C3orf52: variants seen among roughly 807,000 people sequenced by gnomAD.
C3orf52 encodes the protein TPA-induced transmembrane protein.
Under a neutral mutation model 24.8 loss-of-function variants are expected in C3orf52, and 22 were observed. That is an observed-to-expected ratio of 0.89 (90% CI 0.63 to 1.27). The LOEUF is 1.27. Among genes scored for constraint, C3orf52 ranks in the 50% most tolerant of loss-of-function variants. The probability of loss-of-function intolerance (pLI) is 0.00; values close to 1 mark genes in which losing one functional copy is unlikely to be tolerated. For synonymous variants in C3orf52, 93 were observed against 100.2 expected, an observed-to-expected ratio of 0.93 and a Z score of 0.43; for missense variants, 265 against 260.7, an observed-to-expected ratio of 1.02 and a Z score of -0.11.
chr3:112,100,552 C>A (rs2107780334), intron 2 of C3orf52, among the ~76,000 whole-genome samples: 1 of 152,212 alleles, frequency 6.6e-6, no homozygotes, highest in East Asian at 1.9e-4. Flanking sequence ...TTATGGGAGG[C>A]CTGTTTTCAC....
At chr3:112,135,689 C>A (rs1429251842), downstream of C3orf52, among the ~76,000 whole-genome samples, 1 of 152,146 alleles carries the variant, frequency 6.6e-6, no homozygotes, top group East Asian at 1.9e-4. Flanking sequence ...CAGAAAGCAG[C>A]CCTGGACAGA....
At position 112,086,434 on chromosome 3, in the gene C3orf52, AG is replaced by A; in HGVS notation, c.28del (p.Val10Ter). The A allele has an allele frequency of 1.3e-6, 2 of 1,550,862 alleles. No homozygotes were observed. Among genetic ancestry groups the A allele is most frequent in the Non-Finnish European group, 1.7e-6 (2 of 1,146,566 alleles). On this transcript the variant is annotated frameshift_variant, in exon 1 of 6. Coordinates refer to ENST00000264848, the MANE Select transcript of C3orf52 (RefSeq NM_024616.3). LOFTEE classifies it high-confidence loss of function. MDLAQPSQP[V>X]DELELSVLER... is the part of the protein sequence containing the mutation. ...TGGACCTGGCCCAACCCTCACAGCC[AG>A]TAGACGAGCTGGAGCTCTCGGTGCT...
chr3:112,130,417 G>C, downstream of C3orf52: 1 of 1,592,920 alleles, frequency 6.3e-7, no homozygotes, highest in African/African-American at 1.3e-5. Flanking sequence ...GCAAGGTCTG[G>C]GGGGTGTTTG....
intron 5 of C3orf52, among the ~76,000 whole-genome samples, chr3:112,115,853 A>G (rs1381627422): frequency 6.6e-6 from 1 of 152,198 alleles, no homozygotes; most frequent in Non-Finnish European, 1.5e-5. Context: ...AACTTAAAAT[A>G]TAATGATAAA....
chr3:112,105,385 AT>A (rs1411226113), intron 3 of C3orf52, among the ~76,000 whole-genome samples: 1 of 152,210 alleles, frequency 6.6e-6, no homozygotes, highest in Non-Finnish European at 1.5e-5. Flanking sequence ...ACCTAAAGGT[AT>A]TGCTGTCTTA....
intron 3 of C3orf52, among the ~76,000 whole-genome samples, chr3:112,105,880 G>A (rs982939454): frequency 2.0e-5 from 3 of 151,170 alleles, no homozygotes; most frequent in East Asian, 3.9e-4. Flanking sequence ...TGTCACTTGT[G>A]CTTCTGACCA....
intron 1 of C3orf52, among the ~76,000 whole-genome samples, chr3:112,089,966 G>A (rs2073862589): frequency 6.6e-6 from 1 of 152,226 alleles, no homozygotes; most frequent in African/African-American, 2.4e-5. Context: ...TAGAATGTAA[G>A]ATGCAGTTGC....
chr3:112,106,779 A>G (rs751893947), intron 3 of C3orf52, among the ~76,000 whole-genome samples: 9 of 152,134 alleles, frequency 5.9e-5, no homozygotes, highest in Admixed American at 3.3e-4. Flanking sequence ...GGTTGGGGCC[A>G]TTACTCTGCT....
At chr3:112,092,733 TTATTTCCTGTTG>T (rs1391934794) in intron 1 of C3orf52, among the ~76,000 whole-genome samples, 1 of 152,240 alleles carries the variant, frequency 6.6e-6, no homozygotes, top group Non-Finnish European at 1.5e-5. Context: ...GCTTTGCAGC[TTATTTCCTGTTG>T]TCTCTTGCAG....
At chr3:112,099,427 A>G (rs2073953061) in intron 2 of C3orf52, among the ~76,000 whole-genome samples, 2 of 152,164 alleles carry the variant, frequency 1.3e-5, no homozygotes, top group East Asian at 1.9e-4. Flanking sequence ...TAGTTCTGCT[A>G]CTATCCAATT....
intron 3 of C3orf52, among the ~76,000 whole-genome samples, chr3:112,104,275 G>A (rs978203411): frequency 6.6e-6 from 1 of 152,124 alleles, no homozygotes; most frequent in African/African-American, 2.4e-5. Flanking sequence ...GGACCGTTGG[G>A]TGGGGCATCC....
chr3:112,114,155 A>G (rs2074112597), intron 5 of C3orf52, among the ~76,000 whole-genome samples: 1 of 152,196 alleles, frequency 6.6e-6, no homozygotes, highest in South Asian at 2.1e-4. Flanking sequence ...ATAGTACAAG[A>G]CAAGGTGTTT....
intron 3 of C3orf52, among the ~76,000 whole-genome samples, chr3:112,105,494 A>T (rs1053701791): frequency 2.6e-5 from 4 of 151,110 alleles, no homozygotes; most frequent in Non-Finnish European, 4.4e-5. Flanking sequence ...GGGAAAAATT[A>T]TTTTTTTCTC....
downstream of C3orf52, chr3:112,135,059 T>A (rs909619635): frequency 1.9e-5 from 3 of 154,884 alleles, no homozygotes; most frequent in Non-Finnish European, 4.4e-5. Context: ...ACTGTATGCA[T>A]TTCTCATAAT....
chr3:112,119,504 G>A, downstream of C3orf52: 1 of 702,972 alleles, frequency 1.4e-6, no homozygotes, highest in East Asian at 2.7e-5. Flanking sequence ...AAGCACTGGT[G>A]GGATTTGAAT....
At chr3:112,119,605 A>T (rs1257871978), downstream of C3orf52, 1 of 694,010 alleles carries the variant, frequency 1.4e-6, no homozygotes, top group Non-Finnish European at 2.6e-6. Flanking sequence ...AATTCTGGAC[A>T]TGAATCCTGT....
intron 2 of C3orf52, among the ~76,000 whole-genome samples, chr3:112,095,204 G>A (rs1032512327): frequency 9.9e-5 from 15 of 152,188 alleles, no homozygotes; most frequent in Non-Finnish European, 2.2e-4. Context: ...GTAGGAAAAA[G>A]CTAATGAAGT....
downstream of C3orf52, chr3:112,134,600 G>A (rs774284552): frequency 6.6e-6 from 1 of 152,144 alleles, no homozygotes; most frequent in Admixed American, 6.5e-5. Flanking sequence ...TTGAACATAG[G>A]GTTACTGTAC....
intron 1 of C3orf52, among the ~76,000 whole-genome samples, chr3:112,086,777 G>A (rs1195194213): frequency 9.2e-5 from 14 of 152,178 alleles, no homozygotes; most frequent in African/African-American, 3.4e-4. Flanking sequence ...CCCCCGAGGC[G>A]CTTTAGGAAT....
Sources: allele counts gnomAD v4.1 joint callset (sites outside exome capture counted in the v4.1 genomes callset), GRCh38; gene constraint gnomAD v4.1.1; transcripts MANE v1.5; gene names NCBI Gene and HGNC (gene_info 2026-07-23, HGNC 2026-07-21).